GALNT18: variants seen among roughly 807,000 people sequenced by gnomAD.
GALNT18 encodes the protein polypeptide N-acetylgalactosaminyltransferase 18, also known as GalNAc-transferase 18.
A neutral mutation model predicts 69.5 loss-of-function variants in GALNT18; 44 were observed. The observed-to-expected ratio is 0.63, with a 90% CI of 0.50 to 0.81. The LOEUF is 0.81. Ranked by LOEUF, GALNT18 falls within the 40% of genes least tolerant of loss-of-function variation. The pLI is 0.00. For missense variants in GALNT18, 715 were observed against 810.0 expected, an observed-to-expected ratio of 0.88 and a Z score of 1.42; for synonymous variants, 364 against 318.2, an observed-to-expected ratio of 1.14 and a Z score of -1.53.
chr11:11,293,527 AC>A (rs1168329651), intron 9 of GALNT18, among the ~76,000 whole-genome samples: 3 of 127,062 alleles, frequency 2.4e-5, no homozygotes, highest in African/African-American at 8.8e-5. Flanking sequence ...CAGTTTACAA[AC>A]CCCTCTTTTT....
intron 1 of GALNT18, among the ~76,000 whole-genome samples, chr11:11,594,563 C>T (rs945551671): frequency 1.3e-5 from 2 of 152,098 alleles, no homozygotes; most frequent in Non-Finnish European, 2.9e-5. Context: ...TCAAATGATA[C>T]AACATTTTGT....
chr11:11,291,699 T>C (rs1849302893), intron 10 of GALNT18, among the ~76,000 whole-genome samples: 2 of 152,166 alleles, frequency 1.3e-5, no homozygotes, highest in Non-Finnish European at 2.9e-5. Flanking sequence ...ATTTGGCTCC[T>C]GGGCTCCTCT....
rs1855237011 is a variant in GALNT18 at position 11,430,279 on chromosome 11, C to T, written c.595+2342G>A. Among the ~76,000 whole-genome samples the T allele has an allele frequency of 6.6e-6, 1 of 152,154 alleles. No homozygotes were observed. Among genetic ancestry groups the T allele is most frequent in the African/African-American group, 2.4e-5 (1 of 41,434 alleles). ...GTAATTATAGATTCACAAAAGTGTA[C>T]AAGAAGGTTTCATATGCCCCTCACC... On this transcript the variant is annotated intron_variant, in intron 3 of 10. Transcript: ENST00000227756. The surrounding 1 kb of genome is among the most constrained non-coding windows in gnomAD (Gnocchi z 4.9).
chr11:11,491,088 T>C (rs965717129), intron 1 of GALNT18, among the ~76,000 whole-genome samples: 5 of 152,018 alleles, frequency 3.3e-5, no homozygotes, highest in Non-Finnish European at 7.4e-5. Context: ...TCATCTCTAG[T>C]CCAAATCACT....
rs940944322 is a variant in GALNT18 at position 11,601,846 on chromosome 11, G to T, written c.235+19513C>A. 6.6e-6 allele frequency among the ~76,000 whole-genome samples: 1 copy of T among 152,068 alleles called. No individual in the cohort carries two copies. The highest frequency in any genetic ancestry group is 1.5e-5 in the Non-Finnish European group (1 of 68,012). ...ACAAAACAACATTGAAGGAAATGAC[G>T]TTATTTGAGGACCTGCCTGATTTGC... is the stretch of plus-strand genomic sequence containing the variant. On this transcript the variant is annotated intron_variant, in intron 1 of 10. Transcript: ENST00000227756. This position sits in a 1 kb window ranked among gnomAD's most constrained non-coding sequence, Gnocchi z 4.0.
At position 11,327,192 on chromosome 11, in the gene GALNT18, G is replaced by A; in HGVS notation, c.1417-11C>T. ...CAGAGAATTCTGCAGCTGAACATCA[G>A]AGAACAGATGGCCACACCAAAGAGA... is the stretch of plus-strand genomic sequence containing the variant. On this transcript the variant is annotated splice_polypyrimidine_tract_variant and intron_variant, in intron 8 of 10. Transcript: ENST00000227756. 1.3e-6 allele frequency: 2 copies of A among 1,585,270 alleles called. No individual in the cohort carries two copies. Among genetic ancestry groups the A allele is most frequent in the African/African-American group, 1.3e-5 (1 of 74,420 alleles).
In GALNT18 at chr11:11,541,947, T is replaced by A. The variant is rs924425244; in HGVS notation, c.235+79412A>T. On this transcript the variant is annotated intron_variant, in intron 1 of 10. Transcript: ENST00000227756. The surrounding 1 kb of genome is among the most constrained non-coding windows in gnomAD (Gnocchi z 4.8). ...GCAGGAGAATCACAGGCAAGGCAAC[T>A]ATAGACACGAGCCAAACCCAGGAGG... Among the ~76,000 whole-genome samples, 3 of 152,014 alleles carry A rather than the reference T, an allele frequency of 2.0e-5. No individual in the cohort carries two copies. Among genetic ancestry groups the A allele is most frequent in the Non-Finnish European group, 2.9e-5 (2 of 68,008 alleles).
Position 11,413,123 on chromosome 11 carries a change from T to C in GALNT18, c.595+19498A>G, listed in dbSNP as rs1338200887. On this transcript the variant is annotated intron_variant, in intron 3 of 10. Coordinates refer to ENST00000227756, the MANE Select transcript of GALNT18 (RefSeq NM_198516.3). The surrounding 1 kb of genome is among the most constrained non-coding windows in gnomAD (Gnocchi z 4.7). ...CCTACCCCACTGGCATATCTTGAAC[T>C]TCCTGAATAAACTGCATGCAGTTGA... 6.6e-6 allele frequency among the ~76,000 whole-genome samples: 1 copy of C among 152,220 alleles called. No homozygotes were observed. The highest frequency in any genetic ancestry group is 1.5e-5 in the Non-Finnish European group (1 of 68,038).
chr11:11,371,617 G>T (rs191400375), intron 6 of GALNT18, among the ~76,000 whole-genome samples: 181 of 152,040 alleles, frequency 1.2e-3, no homozygotes, highest in Non-Finnish European at 1.8e-3. Context: ...GGTTCCCCAC[G>T]GAGAAGACAG....
intron 10 of GALNT18, among the ~76,000 whole-genome samples, chr11:11,288,964 G>A (rs1849247400): frequency 6.6e-6 from 1 of 152,186 alleles, no homozygotes; most frequent in African/African-American, 2.4e-5. Context: ...AGTGCATAAT[G>A]TGAAACCAGA....
In GALNT18 at chr11:11,337,793, G is replaced by A. The variant is rs1430055174; in HGVS notation, c.1278+3026C>T. On this transcript the variant is annotated intron_variant, in intron 7 of 10. Transcript: ENST00000227756. This position sits in a 1 kb window ranked among gnomAD's most constrained non-coding sequence, Gnocchi z 4.9. The stretch of plus-strand genomic sequence containing the variant: ...CGGTATGTAATGGGCAGTTCCCATA[G>A]TCCACGCAACGTATGCAGACTTCAA... Among the ~76,000 whole-genome samples, 1 of 152,056 alleles carries A rather than the reference G, an allele frequency of 6.6e-6. No homozygotes were observed. Among genetic ancestry groups the A allele is most frequent in the Non-Finnish European group, 1.5e-5 (1 of 68,020 alleles).
intron 1 of GALNT18, among the ~76,000 whole-genome samples, chr11:11,612,833 A>C (rs531946422): frequency 6.6e-5 from 10 of 152,350 alleles, no homozygotes; most frequent in African/African-American, 1.9e-4. Context: ...CCCAAGGTGA[A>C]GAGTGCAGAT....
At chr11:11,448,720 G>T (rs1015268140) in intron 2 of GALNT18, 24 bp downstream of exon 2, 1 of 1,592,820 alleles carries the variant, frequency 6.3e-7, no homozygotes, top group Admixed American at 1.7e-5. Flanking sequence ...GGTCGACAAG[G>T]GCCCAGTCAC....
In GALNT18 at chr11:11,391,585, G is replaced by T. The variant is rs536827965; in HGVS notation, c.596-12321C>A. ...AAGGCAGATGAAAAAATAAAGGAAGGCTAATGCTATCTTTTTTTCTCATTC... is the reference window on the plus strand; with the variant it reads ...AAGGCAGATGAAAAAATAAAGGAAGTCTAATGCTATCTTTTTTTCTCATTC... On this transcript the variant is annotated intron_variant, in intron 3 of 10. Coordinates refer to ENST00000227756, the MANE Select transcript of GALNT18 (RefSeq NM_198516.3). Among the ~76,000 whole-genome samples the T allele has an allele frequency of 1.0e-3, 154 of 152,356 alleles. 1 individual carries two copies. The highest frequency in any genetic ancestry group is 3.2e-3 in the African/African-American group (133 of 41,582).
At chr11:11,399,874 A>C (rs1298610569) in intron 3 of GALNT18, among the ~76,000 whole-genome samples, 1 of 152,244 alleles carries the variant, frequency 6.6e-6, no homozygotes, top group Admixed American at 6.5e-5. Flanking sequence ...AGCACTTACT[A>C]TGTGTTAAAT....
intron 6 of GALNT18, among the ~76,000 whole-genome samples, chr11:11,361,388 G>T (rs986114596): frequency 1.3e-5 from 2 of 152,188 alleles, no homozygotes; most frequent in African/African-American, 4.8e-5. Flanking sequence ...GGAGATAGTA[G>T]TAGTACCTAC....
intron 1 of GALNT18, among the ~76,000 whole-genome samples, chr11:11,556,204 C>A (rs761153351): frequency 1.3e-5 from 2 of 152,184 alleles, no homozygotes; most frequent in Non-Finnish European, 2.9e-5. Context: ...ACATAAGGAG[C>A]GAAGGTCAAA....
chr11:11,611,115 G>A (rs12289338), intron 1 of GALNT18, among the ~76,000 whole-genome samples: 18,377 of 152,126 alleles, frequency 0.12, 1,546 homozygotes, highest in African/African-American at 0.24. Context: ...GTTCAATAAA[G>A]GAATAAAGTT....
At chr11:11,456,668 A>G (rs1855931317) in intron 1 of GALNT18, among the ~76,000 whole-genome samples, 1 of 152,188 alleles carries the variant, frequency 6.6e-6, no homozygotes, top group Non-Finnish European at 1.5e-5. Flanking sequence ...TATTTTGACT[A>G]CCAGTTGCTT....
Sources: allele counts gnomAD v4.1 joint callset (sites outside exome capture counted in the v4.1 genomes callset), GRCh38; gene constraint gnomAD v4.1.1; non-coding constraint Gnocchi (gnomAD v3.1); transcripts MANE v1.5; gene names NCBI Gene and HGNC (gene_info 2026-07-23, HGNC 2026-07-21).